The following SLC16A10 variants were observed in gnomAD, a reference collection of about 807,000 sequenced individuals.
The protein encoded by SLC16A10 is monocarboxylate transporter 10.
SLC16A10 carries 27 observed loss-of-function variants against 40.0 expected under a neutral mutation model. That is an observed-to-expected ratio of 0.67 (90% CI 0.50 to 0.93). The LOEUF is 0.93. Ranked by LOEUF, SLC16A10 falls within the 40% of genes least tolerant of loss-of-function variation. The probability of loss-of-function intolerance (pLI) is 0.00; values close to 1 mark genes in which losing one functional copy is unlikely to be tolerated. For missense variants in SLC16A10, 529 were observed against 658.2 expected (o/e 0.80, Z 2.15); for synonymous variants, 213 against 249.8 (o/e 0.85, Z 1.39).
At position 111,218,897 on chromosome 6, in the gene SLC16A10, C is replaced by T. The variant is rs767025856; in HGVS notation, c.1170C>T (p.Leu390=). The T allele has an allele frequency of 6.2e-7, 1 of 1,614,106 alleles. No individual in the cohort carries two copies. The highest frequency in any genetic ancestry group is 1.3e-5 in the African/African-American group (1 of 74,992). The change falls in exon 5 of 6, where the codon CTC becomes CTT. Residue 390 remains leucine (L), a synonymous_variant. Transcript: ENST00000368851. ...SIFGALIAVC[L]IMGLFDGCFI... ...TTGGGGCCCTCATTGCTGTGTGCCT[C>T]ATCATGGGTCTCTTCGATGGATGCT...
chr6:111,100,130 C>T (rs1156545290), intron 1 of SLC16A10, among the ~76,000 whole-genome samples: 1 of 151,776 alleles, frequency 6.6e-6, no homozygotes, highest in East Asian at 1.9e-4. Context: ...AGTAATACTT[C>T]CTAATGATTT....
chr6:111,139,912 C>T (rs767021446), intron 1 of SLC16A10, among the ~76,000 whole-genome samples: 18 of 152,238 alleles, frequency 1.2e-4, no homozygotes, highest in Admixed American at 2.0e-4. Context: ...TCTACAACCT[C>T]GCCAGCATCT....
intron 1 of SLC16A10, among the ~76,000 whole-genome samples, chr6:111,102,360 G>A (rs2114443649): frequency 6.6e-6 from 1 of 152,228 alleles, no homozygotes; most frequent in East Asian, 1.9e-4. Context: ...ATTAGTATTT[G>A]CTAATTTGAT....
chr6:111,167,376 G>A (rs536095672), intron 1 of SLC16A10, among the ~76,000 whole-genome samples: 1 of 152,314 alleles, frequency 6.6e-6, no homozygotes, highest in East Asian at 1.9e-4. Context: ...TACTGGGCAA[G>A]TATCTGAGCT....
chr6:111,165,060 C>G (rs1772447283), intron 1 of SLC16A10, among the ~76,000 whole-genome samples: 1 of 152,126 alleles, frequency 6.6e-6, no homozygotes, highest in Non-Finnish European at 1.5e-5. Flanking sequence ...ACTACACAGA[C>G]AGAGGATCCA....
At chr6:111,201,012 T>C (rs1211469022) in intron 3 of SLC16A10, among the ~76,000 whole-genome samples, 1 of 152,220 alleles carries the variant, frequency 6.6e-6, no homozygotes, top group East Asian at 1.9e-4. Context: ...ATAATTGCTG[T>C]AAATATTATG....
chr6:111,096,618 T>C (rs1360816734), intron 1 of SLC16A10, among the ~76,000 whole-genome samples: 1 of 152,158 alleles, frequency 6.6e-6, no homozygotes, highest in South Asian at 2.1e-4. Flanking sequence ...CAAAAGTAAT[T>C]CCTCACCTTG....
intron 1 of SLC16A10, among the ~76,000 whole-genome samples, chr6:111,096,850 G>T (rs1021489283): frequency 4.0e-5 from 6 of 151,798 alleles, no homozygotes; most frequent in African/African-American, 1.5e-4. Context: ...ACAGGGTCTT[G>T]CTCTCTTGCT....
At chr6:111,161,340 G>A (rs914501240) in intron 1 of SLC16A10, among the ~76,000 whole-genome samples, 7 of 151,670 alleles carry the variant, frequency 4.6e-5, no homozygotes, top group Non-Finnish European at 1.0e-4. Context: ...CCAGTCCATG[G>A]ATTTGCCTGG....
intron 3 of SLC16A10, among the ~76,000 whole-genome samples, chr6:111,187,332 G>A (rs1322218): frequency 2.0e-5 from 3 of 152,162 alleles, no homozygotes; most frequent in Non-Finnish European, 2.9e-5. Flanking sequence ...GGGTTGCAAG[G>A]ATGGTACATG....
chr6:111,184,444 G>A (rs924819462), intron 3 of SLC16A10, among the ~76,000 whole-genome samples: 2 of 151,820 alleles, frequency 1.3e-5, no homozygotes, highest in African/African-American at 2.4e-5. Flanking sequence ...TGCTAGCAGG[G>A]CAATTAGGTG....
At chr6:111,114,158 C>T (rs1215930403) in intron 1 of SLC16A10, among the ~76,000 whole-genome samples, 2 of 152,118 alleles carry the variant, frequency 1.3e-5, no homozygotes, top group Admixed American at 6.6e-5. Flanking sequence ...TTGAACATCA[C>T]TAGTTACCAT....
At chr6:111,100,407 T>G (rs2114438570) in intron 1 of SLC16A10, among the ~76,000 whole-genome samples, 1 of 152,290 alleles carries the variant, frequency 6.6e-6, no homozygotes, top group Non-Finnish European at 1.5e-5. Context: ...TCTTTTTTTT[T>G]GAGGTGGAGT....
chr6:111,218,747 C>A (rs1012909311), intron 4 of SLC16A10, 67 bp from the exon 5 acceptor site: 4 of 1,307,444 alleles, frequency 3.1e-6, no homozygotes, highest in Non-Finnish European at 4.4e-6. Context: ...AAGTCCTAAG[C>A]ATGTTGCATG....
chr6:111,155,082 CAG>C (rs1772244266), intron 1 of SLC16A10, among the ~76,000 whole-genome samples: 1 of 151,156 alleles, frequency 6.6e-6, no homozygotes, highest in South Asian at 2.1e-4. Flanking sequence ...TACCAGGGGC[CAG>C]GATGATCTCA....
At position 111,206,716 on chromosome 6, in the gene SLC16A10, TGAA is replaced by T. The variant is rs769339670; in HGVS notation, c.1072_1074del (p.Lys358del). On this transcript the variant is annotated inframe_deletion, in exon 4 of 6. Transcript: ENST00000368851. ...CGGATTGCAGATTATGTGCCTGGTG[TGAA>T]GAAGGTTTATCTACAGGTACTTTTT... The T allele has an allele frequency of 1.2e-6, 2 of 1,614,146 alleles. No homozygotes were observed. The highest frequency in any genetic ancestry group is 1.7e-6 in the Non-Finnish European group (2 of 1,180,022).
At chr6:111,116,113 T>G (rs1771481694) in intron 1 of SLC16A10, among the ~76,000 whole-genome samples, 1 of 152,134 alleles carries the variant, frequency 6.6e-6, no homozygotes, top group South Asian at 2.1e-4. Context: ...ATTCAGAATC[T>G]CACTCCCTAG....
intron 1 of SLC16A10, among the ~76,000 whole-genome samples, chr6:111,138,893 C>T (rs1332174394): frequency 6.6e-6 from 1 of 152,138 alleles, no homozygotes; most frequent in Non-Finnish European, 1.5e-5. Flanking sequence ...AGAGAGGATG[C>T]AGTAGAGTTA....
chr6:111,173,890 G>A (rs1456926734), intron 2 of SLC16A10, among the ~76,000 whole-genome samples: 3 of 152,120 alleles, frequency 2.0e-5, no homozygotes, highest in East Asian at 1.9e-4. Context: ...ATCCCTAACC[G>A]CCCTCCCCCG....
Sources: allele counts gnomAD v4.1 joint callset (sites outside exome capture counted in the v4.1 genomes callset), GRCh38; gene constraint gnomAD v4.1.1; transcripts MANE v1.5; gene names NCBI Gene and HGNC (gene_info 2026-07-23, HGNC 2026-07-21).